Variants in TEX15 observed in about 807,000 individuals in gnomAD.
The protein encoded by TEX15 is testis expressed 15, meiosis and synapsis associated.
In TEX15, 171 loss-of-function variants were observed where a neutral mutation model predicts 237.3. The ratio of observed to expected loss-of-function variants is 0.72; its 90% CI spans 0.64 to 0.82. The LOEUF is 0.82. Among genes scored for constraint, TEX15 ranks in the 40% least tolerant of loss-of-function variants. The probability of loss-of-function intolerance (pLI) is 0.00; values close to 1 mark genes in which losing one functional copy is unlikely to be tolerated. For missense variants in TEX15, 3,750 were observed against 3,646.5 expected (o/e 1.03, Z -0.73); for synonymous variants, 1,338 against 1,269.8 (o/e 1.05, Z -1.14).
In TEX15 at chr8:30,867,426, C is replaced by G. The variant is rs1585298226; in HGVS notation, c.379G>C (p.Asp127His). ...QFCFLALPQS[D>H]VAQIYQNGIS... ...CCATTCTGATATATCTGGGCTACAT[C>G]ACTCTGGGGAAGTGCTAAAAAGCAG... Residue 127 changes from aspartate (D) to histidine (H), a missense_variant, in exon 5 of 11, where the codon GAT becomes CAT. Physicochemically the swap from Asp to His is moderately conservative, Grantham distance 81. Coordinates refer to ENST00000643185, the MANE Select transcript of TEX15 (RefSeq NM_001350162.2). The G allele has an allele frequency of 6.5e-7, 1 of 1,534,820 alleles. No homozygotes were observed. The highest frequency in any genetic ancestry group is 2.4e-5 in the East Asian group (1 of 40,828).
At position 30,881,626 on chromosome 8, in the gene TEX15, A is replaced by C. The variant is rs1390814628; in HGVS notation, c.136+5541T>G. Reference sequence around the variant, plus strand: ...CCATCTTGACTTTTTATTTTTTTTTATTATTTTTTTTTTTTGAGACAGTCT... The same window carrying C: ...CCATCTTGACTTTTTATTTTTTTTTCTTATTTTTTTTTTTTGAGACAGTCT... On this transcript the variant is annotated intron_variant, in intron 3 of 10. Coordinates refer to ENST00000643185, the MANE Select transcript of TEX15 (RefSeq NM_001350162.2). Among the ~76,000 whole-genome samples, 3 of 76,256 alleles carry C rather than the reference A, an allele frequency of 3.9e-5. 1 individual carries two copies. The highest frequency in any genetic ancestry group is 6.7e-5 in the Non-Finnish European group (3 of 44,842). The allele number at this position is 76,256 out of a possible 152,430, so 50.0% of individuals were successfully genotyped here.
chr8:30,899,126 C>A (rs184318904), intron 1 of TEX15, among the ~76,000 whole-genome samples: 2 of 152,140 alleles, frequency 1.3e-5, no homozygotes, highest in Non-Finnish European at 2.9e-5. Context: ...ACCAATCTCA[C>A]GCAGCTCTAC....
chr8:30,879,919 T>TA (rs778180167), intron 3 of TEX15, among the ~76,000 whole-genome samples: 16 of 130,108 alleles, frequency 1.2e-4, no homozygotes, highest in Non-Finnish European at 2.3e-4. Flanking sequence ...TCCATTTATT[T>TA]AGATTTCCTT....
At chr8:30,868,689 G>A (rs1306139951) in intron 4 of TEX15, among the ~76,000 whole-genome samples, 3 of 151,904 alleles carry the variant, frequency 2.0e-5, no homozygotes, top group South Asian at 2.1e-4. Context: ...GGCATTTCCT[G>A]CTCTTGATTT....
intron 7 of TEX15, among the ~76,000 whole-genome samples, chr8:30,852,100 C>CTTTTTTTTTTTTTTTTT (rs910989172): frequency 1.1e-5 from 1 of 90,424 alleles, no homozygotes; most frequent in Non-Finnish European, 2.0e-5. Context: ...TTAATTTAAT[C>CTTTTTTTTTTTTTTTTT]TTTTTTTTTT....
intron 1 of TEX15, among the ~76,000 whole-genome samples, chr8:30,903,692 GCA>G (rs1437812176): frequency 6.6e-6 from 1 of 152,156 alleles, no homozygotes; most frequent in African/African-American, 2.4e-5. Flanking sequence ...TTCAGCCCAA[GCA>G]TTAAATATAA....
chr8:30,875,207 T>C, intron 3 of TEX15, 105 bp from the exon 4 acceptor site: 1 of 732,474 alleles, frequency 1.4e-6, no homozygotes. Flanking sequence ...AGTACTGGAA[T>C]TTTCATTAAC....
At chr8:30,836,687 A>G in intron 10 of TEX15, 116 bp downstream of exon 10, 1 of 960,680 alleles carries the variant, frequency 1.0e-6, no homozygotes, top group Non-Finnish European at 1.5e-6. Context: ...ATCTGTACAG[A>G]AAAATGACTG....
chr8:30,858,187 T>C (rs1406315077), intron 7 of TEX15, among the ~76,000 whole-genome samples: 1 of 151,810 alleles, frequency 6.6e-6, no homozygotes, highest in Non-Finnish European at 1.5e-5. Flanking sequence ...CACATATCAA[T>C]AGGGAAGAAT....
chr8:30,866,248 G>A (rs1808160605), intron 5 of TEX15, among the ~76,000 whole-genome samples: 1 of 151,734 alleles, frequency 6.6e-6, no homozygotes, highest in South Asian at 2.1e-4. Context: ...GTGACAGAGT[G>A]CGACTGTCGC....
rs377679676 is a variant in TEX15 at position 30,837,237 on chromosome 8, C to A, written c.9047G>T (p.Trp3016Leu). ...ACATGCAGACTGTGGAAGTTCATTC[C>A]AATATGTGGCAGCATTCTGCATTAG... ...KVLMQNAATY[W>L]NELPQSACNP... The change falls in exon 10 of 11, where the codon TGG becomes TTG. Residue 3016 changes from tryptophan to leucine, a missense_variant. Physicochemically the swap from Trp to Leu is moderately conservative, Grantham distance 61. Transcript: ENST00000643185. 62 of 1,613,946 alleles carry A rather than the reference C, an allele frequency of 3.8e-5. No homozygotes were observed. Among genetic ancestry groups the A allele is most frequent in the Non-Finnish European group, 4.9e-5 (58 of 1,179,996 alleles).
Position 30,842,957 on chromosome 8 carries a change from A to AT in TEX15, c.7209dup (p.Tyr2404IlefsTer8), listed in dbSNP as rs770974731. On this transcript the variant is annotated frameshift_variant, in exon 8 of 11. Coordinates refer to ENST00000643185, the MANE Select transcript of TEX15 (RefSeq NM_001350162.2). LOFTEE classifies it high-confidence loss of function. The stretch of plus-strand genomic sequence containing the variant: ...TTATTATCTTGTAGCATCTGAAAGT[A>AT]TTTTTTTAAAATTTCTAAGTGATCT... The AT allele has an allele frequency of 1.6e-5, 26 of 1,610,776 alleles. No individual in the cohort carries two copies. The highest frequency in any genetic ancestry group is 8.4e-5 in the Admixed American group (5 of 59,560).
At chr8:30,882,631 T>A (rs1808555373) in intron 3 of TEX15, among the ~76,000 whole-genome samples, 1 of 152,112 alleles carries the variant, frequency 6.6e-6, no homozygotes, top group East Asian at 1.9e-4. Flanking sequence ...GCCCAAGATG[T>A]TGTCTGTTTT....
At chr8:30,894,629 A>G (rs138929976) in intron 2 of TEX15, among the ~76,000 whole-genome samples, 9 of 152,388 alleles carry the variant, frequency 5.9e-5, no homozygotes, top group African/African-American at 2.2e-4. Flanking sequence ...TCTGCAACAA[A>G]TAGTGCCAGG....
At chr8:30,841,841 GATA>G (rs1248575172) in intron 8 of TEX15, among the ~76,000 whole-genome samples, 160 bp downstream of exon 8, 1 of 152,132 alleles carries the variant, frequency 6.6e-6, no homozygotes, top group Non-Finnish European at 1.5e-5. Context: ...TCATTTTATA[GATA>G]ATATGAATTG....
Position 30,858,797 on chromosome 8 carries a change from G to C in TEX15, c.721C>G (p.Pro241Ala). The C allele has an allele frequency of 6.5e-7, 1 of 1,534,972 alleles. No individual in the cohort carries two copies. The highest frequency in any genetic ancestry group is 8.7e-7 in the Non-Finnish European group (1 of 1,146,440). ...YFYEYSVLSK[P>A]VDKPRQCLPY... ...AGACATTGCCTAGGTTTATCTACAG[G>C]CTTTGAAAGGACACTGTATTCATAG... The change falls in exon 7 of 11, where the codon CCT (proline) becomes GCT (alanine). Residue 241 changes from proline (P) to alanine (A), a missense_variant. By Grantham distance (27) the Pro-to-Ala change is conservative. Coordinates refer to ENST00000643185, the MANE Select transcript of TEX15 (RefSeq NM_001350162.2).
chr8:30,854,870 C>G (rs777046934), intron 7 of TEX15, among the ~76,000 whole-genome samples: 1 of 151,920 alleles, frequency 6.6e-6, no homozygotes, highest in Non-Finnish European at 1.5e-5. Context: ...ATAAAAACAA[C>G]AACAAAAAAA....
chr8:30,833,156 A>G lies in TEX15; in HGVS notation c.*130T>C. 1 of 631,134 alleles carries G rather than the reference A, an allele frequency of 1.6e-6. No homozygotes were observed. The highest frequency in any genetic ancestry group is 2.8e-6 in the Non-Finnish European group (1 of 361,650). 39.1% of individuals were successfully genotyped at this position (631,134 alleles called of 1,614,324 possible). Reference sequence around the variant, plus strand: ...TGTTAGATTATTTGTATATTTTACAAAGGACCATATGATTTATATTTCCTA... The same window carrying G: ...TGTTAGATTATTTGTATATTTTACAGAGGACCATATGATTTATATTTCCTA... On this transcript the variant is annotated 3_prime_UTR_variant, in exon 11 of 11. Transcript: ENST00000643185.
rs1361906895 is a variant in TEX15, at chr8:30,851,128, T to TG, written c.851-1813dup. On this transcript the variant is annotated intron_variant, in intron 7 of 10. Coordinates refer to ENST00000643185, the MANE Select transcript of TEX15 (RefSeq NM_001350162.2). Reference sequence around the variant, plus strand: ...ACCCATTCTTACTCATTTACTACTCTGATAAACTTGTATAAATACCCAAAG... The same window carrying TG: ...ACCCATTCTTACTCATTTACTACTCTGGATAAACTTGTATAAATACCCAAAG... 4.7e-3 allele frequency among the ~76,000 whole-genome samples: 721 copies of TG among 152,324 alleles called. 7 individuals are homozygous for TG. Among genetic ancestry groups the TG allele is most frequent in the African/African-American group, 0.016 (679 of 41,556 alleles).
Sources: gnomAD v4.1 joint callset for allele counts (sites outside exome capture counted in the v4.1 genomes callset) on GRCh38, gnomAD v4.1.1 for gene constraint, MANE v1.5 for transcripts, NCBI Gene and HGNC (gene_info 2026-07-23, HGNC 2026-07-21) for gene names.